The following DLAT variants were observed in gnomAD, a reference collection of about 807,000 sequenced individuals.
DLAT encodes the protein dihydrolipoamide S-acetyltransferase, also known as dihydrolipoyllysine-residue acetyltransferase component of pyruvate dehydrogenase complex, mitochondrial.
A neutral mutation model predicts 68.0 loss-of-function variants in DLAT; 43 were observed. The ratio of observed to expected loss-of-function variants is 0.63; its 90% CI spans 0.50 to 0.81. The LOEUF is 0.81. DLAT is among the 40% of genes least tolerant of loss of function. The pLI is 0.00. For synonymous variants in DLAT, 265 were observed against 288.6 expected (o/e 0.92, Z 0.83); for missense variants, 745 against 815.4 (o/e 0.91, Z 1.05).
Position 112,033,421 on chromosome 11 carries a change from C to G in DLAT, c.678C>G (p.Leu226=), listed in dbSNP as rs782391345. 2.5e-6 allele frequency: 4 copies of G among 1,613,650 alleles called. No individual in the cohort carries two copies. The highest frequency in any genetic ancestry group is 3.3e-5 in the Admixed American group (2 of 59,940). The change falls in exon 5 of 14, where the codon CTC becomes CTG. Residue 226 remains leucine, a synonymous_variant. Coordinates refer to ENST00000280346, the MANE Select transcript of DLAT (RefSeq NM_001931.5). ...PPHMQVLLPA[L]SPTMTMGTVQ... ...TTCTGCAGGTACTTCTTCCTGCCCT[C>G]TCTCCCACCATGACCATGGGCACAG...
chr11:112,061,245 T>A, intron 13 of DLAT, 71 bp downstream of exon 13: 1 of 1,549,560 alleles, frequency 6.5e-7, no homozygotes, highest in Non-Finnish European at 8.9e-7. Flanking sequence ...TGTGGTATCC[T>A]CAGGGGATTG....
Position 112,051,234 on chromosome 11 carries a change from A to G in DLAT, c.1399A>G (p.Ile467Val), listed in dbSNP as rs1221769620. 1.9e-6 allele frequency: 3 copies of G among 1,595,028 alleles called. No homozygotes were observed. The African/African-American group carries it at 4.0e-5, about 21-fold the overall frequency. Residue 467 changes from isoleucine to valine, a missense_variant and splice_region_variant, in exon 11 of 14, where the codon ATA (isoleucine) becomes GTA (valine). Physicochemically the swap from Ile to Val is conservative, Grantham distance 29. Transcript: ENST00000280346. The surrounding 1 kb of genome is among the most constrained non-coding windows in gnomAD (Gnocchi z 4.3). ...VLLVRKELNK[I>V]LEGRSKISVN... ...ACTACAGTTCTTCTTGTCTTTCCAG[A>G]TATTAGAAGGGAGAAGCAAAATTTC...
chr11:112,028,977 G>A (rs1555179716), intron 4 of DLAT, 32 bp downstream of exon 4: 3 of 1,613,372 alleles, frequency 1.9e-6, no homozygotes, highest in Admixed American at 1.7e-5. Flanking sequence ...TTTGCTCTAG[G>A]TGATTACTTA....
chr11:112,060,547 C>T (rs1864520963), intron 12 of DLAT, among the ~76,000 whole-genome samples: 2 of 152,030 alleles, frequency 1.3e-5, no homozygotes, highest in African/African-American at 2.4e-5. Flanking sequence ...CTCCGCCTCC[C>T]AGGTTCAAGC....
chr11:112,051,489 A>G lies in DLAT; in HGVS notation c.1514+140A>G. On this transcript the variant is annotated intron_variant, in intron 11 of 13. Coordinates refer to ENST00000280346, the MANE Select transcript of DLAT (RefSeq NM_001931.5). The surrounding 1 kb of genome is among the most constrained non-coding windows in gnomAD (Gnocchi z 4.3). The stretch of plus-strand genomic sequence containing the variant: ...ATAGGTCAAACAACTTGAAAACAAC[A>G]CAAAAATGTTTATGAGTTACTGCTT... 1 of 657,128 alleles carries G rather than the reference A, an allele frequency of 1.5e-6. No individual in the cohort carries two copies. Among genetic ancestry groups the G allele is most frequent in the Non-Finnish European group, 2.7e-6 (1 of 373,950 alleles). The allele number at this position is 657,128 out of a possible 1,614,324, so 40.7% of individuals were successfully genotyped here.
At chr11:112,052,095 G>A (rs782693321) in intron 11 of DLAT, among the ~76,000 whole-genome samples, 39 of 152,084 alleles carry the variant, frequency 2.6e-4, no homozygotes, top group Non-Finnish European at 7.4e-5. Context: ...AAGCCTATTC[G>A]TTTCTTGCTG....
At chr11:112,028,737 C>A in intron 3 of DLAT, 55 bp from the exon 4 acceptor site, 8 of 1,614,028 alleles carry the variant, frequency 5.0e-6, no homozygotes, top group Non-Finnish European at 6.8e-6. Flanking sequence ...TTTAAGACTA[C>A]TTTTGTGAAA....
At position 112,043,474 on chromosome 11, in the gene DLAT, C is replaced by T. The variant is rs1437282800; in HGVS notation, c.1138C>T (p.Pro380Ser). 6 of 1,613,926 alleles carry T rather than the reference C, an allele frequency of 3.7e-6. No homozygotes were observed. Among genetic ancestry groups the T allele is most frequent in the Admixed American group, 1.7e-5 (1 of 60,002 alleles). The stretch of plus-strand genomic sequence containing the variant: ...ATTTATGTCTCTTACAGGGACAGGA[C>T]CAGATGGTAGAATCACCAAGAAGGA... ...IDLTQVKGTGPDGRITKKDID... is the reference protein window; with the variant it reads ...IDLTQVKGTGSDGRITKKDID... The change falls in exon 8 of 14, where the codon CCA becomes TCA. Residue 380 changes from proline to serine, a missense_variant. Physicochemically the swap from Pro to Ser is moderately conservative, Grantham distance 74. Transcript: ENST00000280346.
Position 112,059,942 on chromosome 11 carries a change from T to C in DLAT, c.1554T>C (p.Pro518=), listed in dbSNP as rs782295371. The C allele has an allele frequency of 4.3e-6, 7 of 1,613,726 alleles. No homozygotes were observed. The South Asian group carries it at 7.7e-5, about 18-fold the overall frequency. Residue 518 remains proline, a synonymous_variant, in exon 12 of 14, where the codon CCT becomes CCC. Coordinates refer to ENST00000280346, the MANE Select transcript of DLAT (RefSeq NM_001931.5). ...VVDVSVAVST[P]AGLITPIVFN... ...ATGTCAGTGTTGCGGTCAGTACTCC[T>C]GCAGGACTCATCACACCTATTGTGT... is the stretch of plus-strand genomic sequence containing the variant.
At position 112,064,236 on chromosome 11, in the gene DLAT, A is replaced by G. The variant is rs1864814830; in HGVS notation, c.*1701A>G. On this transcript the variant is annotated 3_prime_UTR_variant, in exon 14 of 14. Transcript: ENST00000280346. Reference sequence around the variant, plus strand: ...TCTGTTGTTCCCTTGAAAAAAAATAAAAACAGTTGCCTTCTAATAAACATT... The same window carrying G: ...TCTGTTGTTCCCTTGAAAAAAAATAGAAACAGTTGCCTTCTAATAAACATT... The G allele has an allele frequency of 1.9e-6, 3 of 1,551,110 alleles. No homozygotes were observed. The highest frequency in any genetic ancestry group is 1.7e-4 in the Middle Eastern group (1 of 5,950).
chr11:112,027,256 C>T (rs1359563024), intron 2 of DLAT, among the ~76,000 whole-genome samples: 11 of 151,474 alleles, frequency 7.3e-5, no homozygotes, highest in Non-Finnish European at 8.8e-5. Context: ...CCTCACCTCC[C>T]GGACGGGGTC....
intron 8 of DLAT, among the ~76,000 whole-genome samples, chr11:112,044,257 C>T (rs1410238151): frequency 2.0e-5 from 3 of 152,100 alleles, no homozygotes; most frequent in Admixed American, 6.6e-5. Flanking sequence ...TGCAGTGGCG[C>T]GATCTTGGCT....
chr11:112,034,465 C>T (rs1365280650), intron 5 of DLAT, among the ~76,000 whole-genome samples: 53 of 145,646 alleles, frequency 3.6e-4, no homozygotes, highest in African/African-American at 1.3e-3. Flanking sequence ...TTTTTTGAGA[C>T]GGAGTCTCGC....
At chr11:112,045,094 A>G (rs1555181329) in intron 8 of DLAT, 44 bp from the exon 9 acceptor site, 4 of 1,486,994 alleles carry the variant, frequency 2.7e-6, no homozygotes, top group Non-Finnish European at 3.8e-6. Flanking sequence ...ACTTACGCTA[A>G]GATTGAATCA....
At chr11:112,045,270 C>T in intron 9 of DLAT, 40 bp downstream of exon 9, 1 of 1,364,964 alleles carries the variant, frequency 7.3e-7, no homozygotes, top group Non-Finnish European at 9.8e-7. Context: ...CTGTTAGGGG[C>T]ATCTTTAGGT....
At position 112,025,536 on chromosome 11, in the gene DLAT, T is replaced by A; in HGVS notation, c.64T>A (p.Trp22Arg). The change falls in exon 1 of 14, where the codon TGG becomes AGG. Residue 22 changes from tryptophan (W) to arginine (R), a missense_variant. Coordinates refer to ENST00000280346, the MANE Select transcript of DLAT (RefSeq NM_001931.5). The stretch of plus-strand genomic sequence containing the variant: ...CCCATGGGCGGGACTCGAGGCTCGG[T>A]GGACGGCCTTGCAGGAGGTACCCGG... ...VAPWAGLEAR[W>R]TALQEVPGTP... 4 of 1,613,934 alleles carry A rather than the reference T, an allele frequency of 2.5e-6. No homozygotes were observed. Among genetic ancestry groups the A allele is most frequent in the Non-Finnish European group, 3.4e-6 (4 of 1,179,992 alleles).
intron 4 of DLAT, among the ~76,000 whole-genome samples, chr11:112,032,770 T>TA (rs1444821475): frequency 1.3e-5 from 2 of 151,152 alleles, no homozygotes; most frequent in Non-Finnish European, 3.0e-5. Flanking sequence ...ACTTCTTGGT[T>TA]AAAAAAAAAT....
intron 8 of DLAT, 97 bp downstream of exon 8, chr11:112,043,630 A>G: frequency 8.9e-7 from 1 of 1,121,674 alleles, no homozygotes; most frequent in East Asian, 2.3e-5. Context: ...CTCAACCAAG[A>G]TTGTTTTCTT....
At chr11:112,036,665 G>A (rs1373160191) in intron 5 of DLAT, 1 of 152,494 alleles carries the variant, frequency 6.6e-6, no homozygotes, top group Non-Finnish European at 1.5e-5. Context: ...TTGCAAGGAA[G>A]GCAGTAGTTG....
Sources: gnomAD v4.1 joint callset for allele counts (sites outside exome capture counted in the v4.1 genomes callset) on GRCh38, gnomAD v4.1.1 for gene constraint, Gnocchi (gnomAD v3.1) non-coding constraint, MANE v1.5 for transcripts, NCBI Gene and HGNC (gene_info 2026-07-23, HGNC 2026-07-21) for gene names.